The following RIT2 variants were observed in gnomAD, a reference collection of about 807,000 sequenced individuals.
RIT2 encodes the protein Ras like without CAAX 2, also known as GTP-binding protein Rit2.
A neutral mutation model predicts 23.7 loss-of-function variants in RIT2; 24 were observed. That is an observed-to-expected ratio of 1.01 (90% CI 0.73 to 1.43). RIT2 has a LOEUF of 1.43. Among genes scored for constraint, RIT2 ranks in the 40% most tolerant of loss-of-function variants. The pLI, the probability that RIT2 is intolerant of heterozygous loss-of-function variation, is 0.00. For missense variants in RIT2, 236 were observed against 266.9 expected, an observed-to-expected ratio of 0.88 and a Z score of 0.81; for synonymous variants, 107 against 91.1, an observed-to-expected ratio of 1.17 and a Z score of -0.99.
At chr18:42,942,275 G>C (rs908546273) in intron 3 of RIT2, among the ~76,000 whole-genome samples, 2 of 152,044 alleles carry the variant, frequency 1.3e-5, no homozygotes, top group African/African-American at 4.8e-5. Context: ...GTTGCTGCTG[G>C]CAGGACTCAA....
chr18:43,097,443 A>G (rs1010238205), intron 1 of RIT2, among the ~76,000 whole-genome samples: 1 of 151,926 alleles, frequency 6.6e-6, no homozygotes, highest in African/African-American at 2.4e-5. Context: ...AGGGAGAATA[A>G]ATTACTGTGG....
chr18:43,063,518 C>T (rs1237245142), intron 1 of RIT2, among the ~76,000 whole-genome samples: 3 of 152,090 alleles, frequency 2.0e-5, no homozygotes, highest in Non-Finnish European at 4.4e-5. Flanking sequence ...TTTTACTCCC[C>T]TTTTGAAATT....
Position 42,981,425 on chromosome 18 carries a change from T to C in RIT2, c.161-7278A>G, listed in dbSNP as rs185449404. On this transcript the variant is annotated intron_variant, in intron 2 of 4. Coordinates refer to ENST00000326695, the MANE Select transcript of RIT2 (RefSeq NM_002930.4). ...CATCTGATGGACCCTCGGAGAGGATTCCAATGTACCTCTGATGCCCATTGA... is the reference window on the plus strand; with the variant it reads ...CATCTGATGGACCCTCGGAGAGGATCCCAATGTACCTCTGATGCCCATTGA... Among the ~76,000 whole-genome samples, 11 of 152,284 alleles carry C rather than the reference T, an allele frequency of 7.2e-5. No individual in the cohort carries two copies. The East Asian group carries it at 2.1e-3, about 29-fold the overall frequency.
chr18:43,083,541 A>G (rs937020394), intron 1 of RIT2, among the ~76,000 whole-genome samples: 1 of 152,174 alleles, frequency 6.6e-6, no homozygotes, highest in African/African-American at 2.4e-5. Context: ...GACATAGACC[A>G]ATGGAACAGA....
intron 4 of RIT2, among the ~76,000 whole-genome samples, chr18:42,784,652 C>G (rs533362419): frequency 6.6e-6 from 1 of 152,092 alleles, no homozygotes; most frequent in Non-Finnish European, 1.5e-5. Flanking sequence ...TTCACACCAA[C>G]TGCAATGTTT....
At chr18:42,920,942 CT>C (rs376037236) in intron 4 of RIT2, among the ~76,000 whole-genome samples, 3,267 of 146,920 alleles carry the variant, frequency 0.022, 92 homozygotes, top group African/African-American at 0.073. Flanking sequence ...TTTGAGTCTG[CT>C]TTTTTTTTTT....
At chr18:42,783,129 G>A (rs886828330) in intron 4 of RIT2, among the ~76,000 whole-genome samples, 3 of 152,030 alleles carry the variant, frequency 2.0e-5, no homozygotes, top group Admixed American at 6.6e-5. Flanking sequence ...TACCAAACAC[G>A]TTTGTCCAGA....
intron 4 of RIT2, among the ~76,000 whole-genome samples, chr18:42,783,494 C>T (rs1411490807): frequency 6.6e-6 from 1 of 151,998 alleles, no homozygotes; most frequent in Non-Finnish European, 1.5e-5. Context: ...AGGTGGTTTT[C>T]AACTGAAATA....
chr18:42,929,120 G>T (rs1909264682), intron 3 of RIT2, among the ~76,000 whole-genome samples: 1 of 147,074 alleles, frequency 6.8e-6, no homozygotes, highest in African/African-American at 2.5e-5. Context: ...GACAGAGTTT[G>T]ATTTACAATT....
intron 1 of RIT2, among the ~76,000 whole-genome samples, chr18:43,047,185 C>T (rs909858658): frequency 6.6e-6 from 1 of 151,900 alleles, no homozygotes; most frequent in Non-Finnish European, 1.5e-5. Context: ...TTCTCAATGT[C>T]ATATATTCAT....
At chr18:43,066,195 A>G (rs1409720073) in intron 1 of RIT2, among the ~76,000 whole-genome samples, 1 of 152,182 alleles carries the variant, frequency 6.6e-6, no homozygotes, top group African/African-American at 2.4e-5. Flanking sequence ...CATCATTACA[A>G]AAAATGTAAG....
rs377388696 is a variant in RIT2 at position 42,946,664 on chromosome 18, A to G, written c.235-22901T>C. On this transcript the variant is annotated intron_variant, in intron 3 of 4. Coordinates refer to ENST00000326695, the MANE Select transcript of RIT2 (RefSeq NM_002930.4). Reference sequence around the variant, plus strand: ...CAACTTTGTTCTTGTTAAGGGTGCTATGAAAGACCTAGAAACTAGGAATTA... The same window carrying G: ...CAACTTTGTTCTTGTTAAGGGTGCTGTGAAAGACCTAGAAACTAGGAATTA... 7.9e-5 allele frequency among the ~76,000 whole-genome samples: 12 copies of G among 152,138 alleles called. No individual in the cohort carries two copies. The East Asian group carries it at 1.9e-3, about 25-fold the overall frequency.
intron 4 of RIT2, among the ~76,000 whole-genome samples, chr18:42,913,279 T>C (rs1908819208): frequency 6.6e-6 from 1 of 151,692 alleles, no homozygotes; most frequent in African/African-American, 2.4e-5. Flanking sequence ...GATAGAATTT[T>C]TAGAAAAGAA....
intron 3 of RIT2, among the ~76,000 whole-genome samples, chr18:42,932,023 AT>A (rs1909338202): frequency 2.0e-5 from 3 of 152,140 alleles, no homozygotes; most frequent in Non-Finnish European, 4.4e-5. Context: ...ATAAATTACT[AT>A]TTGGTTCCTC....
At chr18:42,956,728 C>T (rs1212956955) in intron 3 of RIT2, among the ~76,000 whole-genome samples, 6 of 151,582 alleles carry the variant, frequency 4.0e-5, no homozygotes. Context: ...CTCTTGATAC[C>T]TAGTAGAGAA....
At chr18:43,027,025 T>C (rs1911748801) in intron 2 of RIT2, among the ~76,000 whole-genome samples, 1 of 152,090 alleles carries the variant, frequency 6.6e-6, no homozygotes, top group Non-Finnish European at 1.5e-5. Context: ...GTATGATATG[T>C]TGTATGCCAA....
intron 1 of RIT2, among the ~76,000 whole-genome samples, chr18:43,062,260 C>T (rs1004104551): frequency 2.0e-5 from 3 of 152,034 alleles, no homozygotes; most frequent in South Asian, 4.1e-4. Flanking sequence ...TATGACAACC[C>T]TCACGATTTC....
At chr18:43,048,422 G>C (rs1912301087) in intron 1 of RIT2, among the ~76,000 whole-genome samples, 1 of 152,118 alleles carries the variant, frequency 6.6e-6, no homozygotes, top group Admixed American at 6.5e-5. Context: ...AATGGTTAAG[G>C]AAACAAGTGC....
chr18:42,805,129 A>C (rs2143967401), intron 4 of RIT2, among the ~76,000 whole-genome samples: 1 of 152,362 alleles, frequency 6.6e-6, no homozygotes, highest in East Asian at 1.9e-4. Flanking sequence ...CATATTAAAA[A>C]CTAAAATTAA....
Sources: gnomAD v4.1 joint callset for allele counts (sites outside exome capture counted in the v4.1 genomes callset) on GRCh38, gnomAD v4.1.1 for gene constraint, MANE v1.5 for transcripts, NCBI Gene and HGNC (gene_info 2026-07-23, HGNC 2026-07-21) for gene names.